Variants in PRP4K observed in about 807,000 individuals in gnomAD.
PRP4K encodes serine/threonine-protein kinase PRP4 homolog.
chr6:4,042,620 C>T, the PRP4K span: 1 of 1,456,136 alleles, frequency 6.9e-7, no homozygotes, highest in Non-Finnish European at 9.4e-7. Flanking sequence ...GATTTTTTTG[C>T]TTTAACAAAA....
the PRP4K span, chr6:4,021,331 A>C: frequency 2.0e-6 from 3 of 1,520,726 alleles, no homozygotes; most frequent in Non-Finnish European, 2.7e-6. Context: ...CGGTCGGCAC[A>C]TGCGCGGCAG....
chr6:4,049,145 AAC>A, the PRP4K span: 1 of 1,512,542 alleles, frequency 6.6e-7, no homozygotes, highest in African/African-American at 1.4e-5. Context: ...AGTTCATTGT[AAC>A]ACCATGCAAA....
At chr6:4,051,922 A>G in the PRP4K span, 1 of 1,391,868 alleles carries the variant, frequency 7.2e-7, no homozygotes, top group Non-Finnish European at 9.8e-7. Context: ...TTCTGTATAT[A>G]TTCAATTTTA....
At chr6:4,032,821 C>G in the PRP4K span, 1 of 1,408,350 alleles carries the variant, frequency 7.1e-7, no homozygotes, top group Non-Finnish European at 9.3e-7. Context: ...AAAACTAGAA[C>G]TTGTGGACCA....
the PRP4K span, chr6:4,052,753 T>C: frequency 6.2e-7 from 1 of 1,600,642 alleles, no homozygotes; most frequent in Non-Finnish European, 8.5e-7. Context: ...AAAAATATGG[T>C]AAAGATGTTG....
chr6:4,038,874 G>A, the PRP4K span, among the ~76,000 whole-genome samples: 1 of 150,070 alleles, frequency 6.7e-6, no homozygotes, highest in Admixed American at 6.7e-5. Context: ...TACTAGATAG[G>A]CCCTTTAAAG....
chr6:4,064,138 T>A, the PRP4K span: 1 of 152,522 alleles, frequency 6.6e-6, no homozygotes, highest in African/African-American at 2.4e-5. Context: ...CATCCTGTTT[T>A]CTTCATTCCC....
At chr6:4,046,727 A>T in the PRP4K span, among the ~76,000 whole-genome samples, 2 of 149,670 alleles carry the variant, frequency 1.3e-5, no homozygotes, top group South Asian at 2.1e-4. Context: ...GCGTGATCTC[A>T]GCTCACTGCT....
At chr6:4,049,384 G>A in the PRP4K span, 367 of 465,428 alleles carry the variant, frequency 7.9e-4, 1 homozygote, top group Non-Finnish European at 1.2e-3. Flanking sequence ...GAAGGGGTAC[G>A]TCACTTACTC....
the PRP4K span, among the ~76,000 whole-genome samples, chr6:4,057,751 CTTTT>C: frequency 5.4e-4 from 44 of 81,094 alleles, no homozygotes; most frequent in African/African-American, 1.9e-3. Flanking sequence ...CATAACTTAG[CTTTT>C]TTTTTTTTTT....
At chr6:4,063,973 TC>T in the PRP4K span, 1 of 152,180 alleles carries the variant, frequency 6.6e-6, no homozygotes, top group Non-Finnish European at 1.5e-5. Flanking sequence ...TACAGTTTTT[TC>T]TAGGGTTGGG....
At chr6:4,045,270 G>A in the PRP4K span, among the ~76,000 whole-genome samples, 4 of 151,974 alleles carry the variant, frequency 2.6e-5, no homozygotes, top group Admixed American at 1.3e-4. Context: ...CCCCACCCCC[G>A]AACACTTACA....
the PRP4K span, among the ~76,000 whole-genome samples, chr6:4,022,478 G>GT: frequency 0.66 from 93,029 of 141,144 alleles, 29,531 homozygotes; most frequent in East Asian, 0.75. Flanking sequence ...TTTGTTTTTT[G>GT]TTTTTTTTTG....
the PRP4K span, among the ~76,000 whole-genome samples, chr6:4,047,831 A>G: frequency 3.3e-5 from 5 of 151,976 alleles, no homozygotes; most frequent in Non-Finnish European, 7.4e-5. Context: ...AGGCCTTCAT[A>G]AGAGGAGGTA....
the PRP4K span, among the ~76,000 whole-genome samples, chr6:4,041,743 CA>C: frequency 1.3e-5 from 2 of 151,982 alleles, no homozygotes; most frequent in African/African-American, 4.8e-5. Context: ...GATAACCCCC[CA>C]CACACACACA....
At chr6:4,031,751 C>T in the PRP4K span, 2 of 1,601,912 alleles carry the variant, frequency 1.2e-6, no homozygotes, top group Non-Finnish European at 8.5e-7. Flanking sequence ...ATAAGAAACA[C>T]AAAAGAAAAG....
chr6:4,049,143 G>T, the PRP4K span: 2 of 1,519,326 alleles, frequency 1.3e-6, no homozygotes, highest in South Asian at 2.3e-5. Context: ...AGAGTTCATT[G>T]TAACACCATG....
chr6:4,021,385 G>A, the PRP4K span: 1 of 1,560,560 alleles, frequency 6.4e-7, no homozygotes, highest in Non-Finnish European at 8.7e-7. Context: ...CCACCGTCCG[G>A]GAGCCGCCGC....
At chr6:4,037,474 C>T in the PRP4K span, 1 of 1,614,008 alleles carries the variant, frequency 6.2e-7, no homozygotes, top group South Asian at 1.1e-5. Context: ...TGGTCTCCAA[C>T]CCGAAGAAGA....
Sources: allele counts gnomAD v4.1 joint callset (sites outside exome capture counted in the v4.1 genomes callset), GRCh38; gene constraint gnomAD v4.1.1; transcripts MANE v1.5; gene names NCBI Gene and HGNC (gene_info 2026-07-23, HGNC 2026-07-21).